Variants in ABCA13 observed in about 807,000 individuals in gnomAD.
ABCA13 encodes ATP-binding cassette sub-family A member 13.
In ABCA13, 476 loss-of-function variants were observed where a neutral mutation model predicts 478.7. The observed-to-expected ratio is 0.99, with a 90% CI of 0.92 to 1.07. ABCA13 has a LOEUF of 1.07. Ranked by LOEUF, ABCA13 falls within the 50% of genes least tolerant of loss-of-function variation. The probability of loss-of-function intolerance (pLI) is 0.00; values close to 1 mark genes in which losing one functional copy is unlikely to be tolerated. For missense variants in ABCA13, 6,060 were observed against 5,910.6 expected (o/e 1.03, Z -0.83); for synonymous variants, 2,252 against 2,158.9 (o/e 1.04, Z -1.20).
intron 47 of ABCA13, among the ~76,000 whole-genome samples, chr7:48,487,453 G>A (rs1829439579): frequency 1.3e-5 from 2 of 151,676 alleles, no homozygotes; most frequent in African/African-American, 4.8e-5. Flanking sequence ...CTCTGTTTTT[G>A]TTTCTGTACT....
At chr7:48,182,208 T>C (rs1371937680) in intron 1 of ABCA13, among the ~76,000 whole-genome samples, 3 of 152,238 alleles carry the variant, frequency 2.0e-5, no homozygotes, top group Admixed American at 2.0e-4. Flanking sequence ...TTTAACTCCA[T>C]TAAGAATAGT....
At chr7:48,458,325 C>T (rs147804729) in intron 43 of ABCA13, among the ~76,000 whole-genome samples, 1 of 152,182 alleles carries the variant, frequency 6.6e-6, no homozygotes, top group South Asian at 2.1e-4. Flanking sequence ...TAACCCAGCA[C>T]CCATCCTTGC....
At chr7:48,408,356 T>C (rs1048337482) in intron 39 of ABCA13, among the ~76,000 whole-genome samples, 5 of 152,370 alleles carry the variant, frequency 3.3e-5, no homozygotes, top group African/African-American at 4.8e-5. Context: ...GAATGTATCA[T>C]CTGAACTACA....
At chr7:48,245,456 TA>T (rs1288704505) in intron 11 of ABCA13, 55 bp from the exon 12 acceptor site, 7 of 1,403,514 alleles carry the variant, frequency 5.0e-6, no homozygotes, top group Non-Finnish European at 6.9e-6. Context: ...TGGCCATGTA[TA>T]AAAGTCAAGC....
chr7:48,323,045 T>A (rs1461793999), intron 27 of ABCA13, among the ~76,000 whole-genome samples: 1 of 152,164 alleles, frequency 6.6e-6, no homozygotes, highest in East Asian at 1.9e-4. Context: ...TATTGCCAAG[T>A]GGTATTCTGT....
chr7:48,219,317 TA>T lies in ABCA13; in HGVS notation c.288-34del, dbSNP rs547625534. Reference sequence around the variant, plus strand: ...AAATGCCAAGGAAACTTATTCTTGTTAAAGAGTTTCACTTGCAGTATTTATT... The same window carrying T: ...AAATGCCAAGGAAACTTATTCTTGTTAAGAGTTTCACTTGCAGTATTTATT... On this transcript the variant is annotated intron_variant, in intron 3 of 61. Transcript: ENST00000435803. The T allele has an allele frequency of 1.1e-3, 1,727 of 1,564,478 alleles. 1 individual carries two copies. The highest frequency in any genetic ancestry group is 1.4e-3 in the Non-Finnish European group (1,597 of 1,164,988).
chr7:48,567,257 A>G (rs1333831469), intron 55 of ABCA13, among the ~76,000 whole-genome samples: 8 of 152,168 alleles, frequency 5.3e-5, no homozygotes, highest in Non-Finnish European at 1.0e-4. Flanking sequence ...CTGTGTTCGC[A>G]GAGTGCTGTA....
intron 47 of ABCA13, among the ~76,000 whole-genome samples, chr7:48,485,283 G>C (rs1829182768): frequency 6.6e-6 from 1 of 151,838 alleles, no homozygotes; most frequent in Non-Finnish European, 1.5e-5. Context: ...TTATTCCTGA[G>C]ATGAAAGGTC....
chr7:48,439,709 A>G (rs1292626588), intron 42 of ABCA13, among the ~76,000 whole-genome samples: 2 of 152,194 alleles, frequency 1.3e-5, no homozygotes, highest in South Asian at 2.1e-4. Context: ...TGGCATAAAA[A>G]ATTTTATAAG....
intron 45 of ABCA13, among the ~76,000 whole-genome samples, chr7:48,477,484 C>G (rs1211467927): frequency 6.6e-6 from 1 of 151,852 alleles, no homozygotes; most frequent in African/African-American, 2.4e-5. Flanking sequence ...AGACTTGGAA[C>G]CAACCCAAAT....
chr7:48,466,251 T>C (rs1192859980), intron 43 of ABCA13, among the ~76,000 whole-genome samples: 1 of 152,202 alleles, frequency 6.6e-6, no homozygotes, highest in African/African-American at 2.4e-5. Flanking sequence ...CAGGGTTTGT[T>C]TCTACAACTC....
intron 55 of ABCA13, among the ~76,000 whole-genome samples, chr7:48,541,354 T>G (rs1437489408): frequency 6.6e-6 from 1 of 152,112 alleles, no homozygotes; most frequent in Non-Finnish European, 1.5e-5. Context: ...GACTATTACA[T>G]CTGAAATTAT....
At chr7:48,176,324 G>A (rs979087867) in intron 1 of ABCA13, among the ~76,000 whole-genome samples, 14 of 152,100 alleles carry the variant, frequency 9.2e-5, no homozygotes, top group African/African-American at 3.4e-4. Context: ...AGTTTAATAC[G>A]AGGACATCAA....
intron 38 of ABCA13, among the ~76,000 whole-genome samples, chr7:48,396,929 A>G (rs1168850147): frequency 6.6e-6 from 1 of 152,238 alleles, no homozygotes; most frequent in African/African-American, 2.4e-5. Flanking sequence ...GAGGGGCTAA[A>G]TGAGGCAGTA....
chr7:48,408,395 G>A (rs62447264), intron 39 of ABCA13, among the ~76,000 whole-genome samples: 20 of 152,176 alleles, frequency 1.3e-4, no homozygotes, highest in East Asian at 7.7e-4. Flanking sequence ...GATCTAAACT[G>A]CCTTTAATCC....
intron 55 of ABCA13, among the ~76,000 whole-genome samples, chr7:48,558,979 G>A (rs2131250044): frequency 6.6e-6 from 1 of 152,212 alleles, no homozygotes; most frequent in African/African-American, 2.4e-5. Context: ...TTCTTCTTTG[G>A]CCCCCTCTCA....
intron 38 of ABCA13, among the ~76,000 whole-genome samples, chr7:48,402,937 G>C (rs1039540408): frequency 6.6e-6 from 1 of 152,228 alleles, no homozygotes; most frequent in African/African-American, 2.4e-5. Flanking sequence ...GTAACAATGA[G>C]TAAGATGGTA....
rs560745142 is a variant in ABCA13 at position 48,174,489 on chromosome 7, T to G, written c.69+2937T>G. 2.0e-5 allele frequency among the ~76,000 whole-genome samples: 3 copies of G among 152,230 alleles called. No homozygotes were observed. In the East Asian group the frequency reaches 5.8e-4, roughly 29 times the overall value. On this transcript the variant is annotated intron_variant, in intron 1 of 61. Transcript: ENST00000435803. ...TCTTATTATAGATTCAAACAAAAAT[T>G]TAAAAAAATAGAATAATGGATAAAT...
chr7:48,314,081 G>A, intron 25 of ABCA13, 151 bp from the exon 26 acceptor site: 1 of 923,958 alleles, frequency 1.1e-6, no homozygotes, highest in Non-Finnish European at 1.6e-6. Flanking sequence ...GGTATCCCAA[G>A]GACAGAAAAC....
Sources: allele counts gnomAD v4.1 joint callset (sites outside exome capture counted in the v4.1 genomes callset), GRCh38; gene constraint gnomAD v4.1.1; transcripts MANE v1.5; gene names NCBI Gene and HGNC (gene_info 2026-07-23, HGNC 2026-07-21).